Variants in TENM1 observed in about 807,000 individuals in gnomAD.
TENM1 encodes teneurin transmembrane protein 1, also known as teneurin-1.
In TENM1, 35 loss-of-function variants were observed where a neutral mutation model predicts 174.8. That is an observed-to-expected ratio of 0.20 (90% CI 0.15 to 0.27). The LOEUF is 0.27. TENM1 is among the 10% of genes least tolerant of loss of function. The pLI, the probability that TENM1 is intolerant of heterozygous loss-of-function variation, is 1.00. For missense variants in TENM1, 1,633 were observed against 2,130.1 expected (o/e 0.77, Z 4.59); for synonymous variants, 781 against 798.7 (o/e 0.98, Z 0.37).
At chrX:124,389,725 T>G (rs2060262572) in intron 28 of TENM1, among the ~76,000 whole-genome samples, 1 of 111,176 alleles carries the variant, frequency 9.0e-6, no homozygotes, top group Non-Finnish European at 1.9e-5. Context: ...AATTCTCTAC[T>G]TGGGTGTTTT....
intron 14 of TENM1, among the ~76,000 whole-genome samples, chrX:124,554,388 T>C (rs2048649639): frequency 8.9e-6 from 1 of 111,738 alleles, no homozygotes; most frequent in African/African-American, 3.3e-5. Context: ...ATGGGCCCAG[T>C]CATACAGTGG....
intron 21 of TENM1, among the ~76,000 whole-genome samples, chrX:124,483,945 T>C (rs1257292565): frequency 8.9e-6 from 1 of 112,059 alleles, no homozygotes; most frequent in Non-Finnish European, 1.9e-5. Context: ...TCCATACTTA[T>C]TAGATTTCCT....
At position 124,499,950 on chromosome X, in the gene TENM1, A is replaced by AT. The variant is rs776517815; in HGVS notation, c.3446-2686dup. Among the ~76,000 whole-genome samples the AT allele has an allele frequency of 8.1e-5, 9 of 111,286 alleles. No homozygotes were observed. The South Asian group carries it at 1.1e-3, about 14-fold the overall frequency. ...CATCTATTTTCACAGGTAGATCTCCATTTTTTTATATCAATATAATGGTAT... is the reference window on the plus strand; with the variant it reads ...CATCTATTTTCACAGGTAGATCTCCATTTTTTTTATATCAATATAATGGTAT... On this transcript the variant is annotated intron_variant, in intron 19 of 31. Coordinates refer to ENST00000422452, the Ensembl canonical transcript of TENM1.
intron 1 of TENM1, among the ~76,000 whole-genome samples, chrX:124,928,035 TA>T (rs1303121786): frequency 8.9e-5 from 10 of 112,187 alleles, no homozygotes; most frequent in African/African-American, 3.2e-4. Context: ...AATTTTATAC[TA>T]ACTTACAAAG....
At chrX:125,187,955 C>G in the TENM1 span, among the ~76,000 whole-genome samples, 1 of 111,647 alleles carries the variant, frequency 9.0e-6, no homozygotes. Context: ...TCTGTATTTT[C>G]TAACTTTCCT....
intron 3 of TENM1, among the ~76,000 whole-genome samples, chrX:124,798,143 A>G (rs1036202292): frequency 3.6e-5 from 4 of 112,016 alleles, no homozygotes; most frequent in African/African-American, 1.3e-4. Flanking sequence ...ACAGTGCTGC[A>G]AGAAACATAC....
At chrX:124,774,738 C>T (rs960723987) in intron 3 of TENM1, among the ~76,000 whole-genome samples, 4 of 111,641 alleles carry the variant, frequency 3.6e-5, no homozygotes, top group Non-Finnish European at 7.5e-5. Context: ...TGTACTAATA[C>T]AGGCCATTCC....
At chrX:124,761,856 A>G (rs1171982441) in intron 3 of TENM1, among the ~76,000 whole-genome samples, 1 of 111,853 alleles carries the variant, frequency 8.9e-6, no homozygotes, top group African/African-American at 3.2e-5. Context: ...ATGGATTATA[A>G]TTTTAAACAA....
At chrX:124,676,681 G>A (rs2052093939) in intron 5 of TENM1, among the ~76,000 whole-genome samples, 1 of 108,970 alleles carries the variant, frequency 9.2e-6, no homozygotes, top group African/African-American at 3.3e-5. Flanking sequence ...ATGTACAGAA[G>A]CTCTTCCTCT....
chrX:124,886,802 A>T (rs1476575091), intron 3 of TENM1, among the ~76,000 whole-genome samples: 8 of 104,726 alleles, frequency 7.6e-5, no homozygotes, highest in African/African-American at 2.1e-4. Flanking sequence ...ATAAAAATTC[A>T]TATGGGAAAG....
At chrX:125,019,614 A>G in the TENM1 span, among the ~76,000 whole-genome samples, 1 of 111,056 alleles carries the variant, frequency 9.0e-6, no homozygotes, top group Non-Finnish European at 1.9e-5. Context: ...ATGGTTTAAG[A>G]TAGAATAGTG....
chrX:125,179,793 A>G, the TENM1 span, among the ~76,000 whole-genome samples: 1 of 109,683 alleles, frequency 9.1e-6, no homozygotes, highest in Non-Finnish European at 1.9e-5. Flanking sequence ...TTGTTTCTCA[A>G]CAAGCCTTCC....
chrX:124,432,800 G>A (rs2060795179), intron 23 of TENM1, among the ~76,000 whole-genome samples: 1 of 111,825 alleles, frequency 8.9e-6, no homozygotes, highest in Non-Finnish European at 1.9e-5. Flanking sequence ...ATTATCTGTA[G>A]TCAAGTGAAG....
At chrX:125,181,891 A>C in the TENM1 span, among the ~76,000 whole-genome samples, 1 of 111,969 alleles carries the variant, frequency 8.9e-6, no homozygotes, top group Admixed American at 9.5e-5. Flanking sequence ...AATGCCTTTC[A>C]GTAATCATGA....
intron 3 of TENM1, among the ~76,000 whole-genome samples, chrX:124,809,231 T>G (rs2055696461): frequency 8.9e-6 from 1 of 111,796 alleles, no homozygotes; most frequent in African/African-American, 3.2e-5. Context: ...TACATTCAAT[T>G]CAATTATTCA....
chrX:124,906,506 T>G (rs2057751239), intron 1 of TENM1, among the ~76,000 whole-genome samples: 1 of 111,761 alleles, frequency 8.9e-6, no homozygotes, highest in African/African-American at 3.3e-5. Flanking sequence ...GCCCTAGATA[T>G]CTTCATGTCT....
chrX:124,634,319 G>T (rs2050827273), intron 11 of TENM1, among the ~76,000 whole-genome samples: 1 of 111,360 alleles, frequency 9.0e-6, no homozygotes, highest in African/African-American at 3.3e-5. Context: ...CTAACTAATA[G>T]AAACTTTTTT....
intron 1 of TENM1, among the ~76,000 whole-genome samples, chrX:124,920,621 C>T (rs1603276798): frequency 9.0e-6 from 1 of 111,188 alleles, no homozygotes; most frequent in Admixed American, 9.6e-5. Flanking sequence ...CATATTTCCC[C>T]CCACAGTTCC....
At chrX:124,970,728 T>C in the TENM1 span, among the ~76,000 whole-genome samples, 6 of 111,559 alleles carry the variant, frequency 5.4e-5, no homozygotes, top group African/African-American at 2.0e-4. Context: ...GACAGTGTGG[T>C]GATTCCTCAA....
Sources: gnomAD v4.1 joint callset for allele counts (sites outside exome capture counted in the v4.1 genomes callset) on GRCh38, gnomAD v4.1.1 for gene constraint, MANE v1.5 for transcripts, NCBI Gene and HGNC (gene_info 2026-07-23, HGNC 2026-07-21) for gene names.